The following GRIN3A variants were observed in gnomAD, a reference collection of about 807,000 sequenced individuals.
The protein encoded by GRIN3A is glutamate receptor ionotropic, NMDA 3A.
Under a neutral mutation model 92.4 loss-of-function variants are expected in GRIN3A, and 47 were observed. The ratio of observed to expected loss-of-function variants is 0.51; its 90% CI spans 0.40 to 0.65. The LOEUF (loss-of-function observed/expected upper bound fraction) is 0.65. Ranked by LOEUF, GRIN3A falls within the 30% of genes least tolerant of loss-of-function variation. The pLI, the probability that GRIN3A is intolerant of heterozygous loss-of-function variation, is 0.00. For missense variants in GRIN3A, 1,324 were observed against 1,393.1 expected, an observed-to-expected ratio of 0.95 and a Z score of 0.79; for synonymous variants, 527 against 540.6, an observed-to-expected ratio of 0.97 and a Z score of 0.35.
At chr9:101,687,506 T>A (rs748294177) in intron 1 of GRIN3A, among the ~76,000 whole-genome samples, 2 of 152,218 alleles carry the variant, frequency 1.3e-5, no homozygotes, top group Non-Finnish European at 2.9e-5. Flanking sequence ...TACTGCCATA[T>A]AGGCAGTCTC....
intron 8 of GRIN3A, among the ~76,000 whole-genome samples, chr9:101,575,451 A>G (rs527484784): frequency 6.6e-6 from 1 of 152,296 alleles, no homozygotes; most frequent in South Asian, 2.1e-4. Flanking sequence ...AGGAAAGGGA[A>G]AACAGGGGTG....
chr9:101,727,659 G>T (rs921266503), intron 1 of GRIN3A, among the ~76,000 whole-genome samples: 5 of 151,896 alleles, frequency 3.3e-5, no homozygotes, highest in African/African-American at 1.2e-4. Flanking sequence ...CAGTACAGCA[G>T]AAGTTGATGA....
At position 101,671,009 on chromosome 9, in the gene GRIN3A, A is replaced by C; in HGVS notation, c.1403T>G (p.Leu468Arg). ...TGGCTTTCCCATGGGGTCATGTTGAAGATTCCAGATGAAAAAGTTGTTTTC... is the reference window on the plus strand; with the variant it reads ...TGGCTTTCCCATGGGGTCATGTTGACGATTCCAGATGAAAAAGTTGTTTTC... The part of the protein sequence containing the change: ...SSENNFFIWN[L>R]QHDPMGKPMW... The change falls in exon 3 of 9, where the codon CTT (leucine) becomes CGT (arginine). Residue 468 changes from leucine to arginine, a missense_variant. Leu to Arg is a moderately radical substitution (Grantham distance 102, BLOSUM62 -2). Coordinates refer to ENST00000361820, the MANE Select transcript of GRIN3A (RefSeq NM_133445.3). 6.2e-7 allele frequency: 1 copy of C among 1,613,984 alleles called. No individual in the cohort carries two copies.
At chr9:101,663,284 G>A (rs1248361524) in intron 3 of GRIN3A, among the ~76,000 whole-genome samples, 1 of 151,678 alleles carries the variant, frequency 6.6e-6, no homozygotes, top group African/African-American at 2.4e-5. Flanking sequence ...CAGTAATTTA[G>A]CATGGCTTAA....
rs530367764 is a variant in GRIN3A, at chr9:101,717,666, T to C, written c.699+19615A>G. 7.9e-5 allele frequency among the ~76,000 whole-genome samples: 12 copies of C among 152,306 alleles called. No homozygotes were observed. The South Asian group carries it at 2.5e-3, about 32-fold the overall frequency. On this transcript the variant is annotated intron_variant, in intron 1 of 8. Transcript: ENST00000361820. Reference sequence around the variant, plus strand: ...CTCACTGATGATTATTTCCAGTAAATTTACTTTTCATCAACTTTGACTTTC... The same window carrying C: ...CTCACTGATGATTATTTCCAGTAAACTTACTTTTCATCAACTTTGACTTTC...
intron 6 of GRIN3A, among the ~76,000 whole-genome samples, chr9:101,608,119 C>T (rs1828310510): frequency 6.6e-6 from 1 of 152,188 alleles, no homozygotes; most frequent in Non-Finnish European, 1.5e-5. Flanking sequence ...ATACACCATA[C>T]AGCCGACCAC....
At chr9:101,674,643 C>A (rs112021175) in intron 2 of GRIN3A, among the ~76,000 whole-genome samples, 1 of 151,946 alleles carries the variant, frequency 6.6e-6, no homozygotes, top group African/African-American at 2.4e-5. Flanking sequence ...AAAAAAGTAA[C>A]CTTAAGTTCC....
chr9:101,684,229 CG>C (rs1415944238), intron 2 of GRIN3A, among the ~76,000 whole-genome samples: 3 of 151,096 alleles, frequency 2.0e-5, no homozygotes, highest in African/African-American at 4.9e-5. Flanking sequence ...CAGCCTCCCA[CG>C]TAGCTGGGAC....
At chr9:101,697,750 A>G (rs1829701759) in intron 1 of GRIN3A, among the ~76,000 whole-genome samples, 1 of 152,204 alleles carries the variant, frequency 6.6e-6, no homozygotes. Context: ...AAACTCTTGT[A>G]CAGTTTATAG....
intron 6 of GRIN3A, chr9:101,593,015 C>T (rs1376322478): frequency 6.6e-6 from 1 of 152,286 alleles, no homozygotes; most frequent in East Asian, 1.9e-4. Flanking sequence ...CCTAGCCCTG[C>T]TCTTCTGAGG....
chr9:101,613,344 A>G lies in GRIN3A; in HGVS notation c.2766+32T>C, dbSNP rs1253396039. On this transcript the variant is annotated intron_variant, in intron 6 of 8. Coordinates refer to ENST00000361820, the MANE Select transcript of GRIN3A (RefSeq NM_133445.3). ...ATGTTCTCTGAGGTACAGCTATACA[A>G]CGTGTCACCATTTTCAACAGTCTTT... 1.9e-6 allele frequency: 3 copies of G among 1,612,596 alleles called. No homozygotes were observed. The East Asian group carries it at 6.7e-5, about 36-fold the overall frequency.
chr9:101,656,071 T>A (rs1829085466), intron 3 of GRIN3A, among the ~76,000 whole-genome samples: 1 of 151,932 alleles, frequency 6.6e-6, no homozygotes, highest in Non-Finnish European at 1.5e-5. Context: ...AGAAATGGGT[T>A]AATAATGGTT....
intron 6 of GRIN3A, among the ~76,000 whole-genome samples, chr9:101,597,616 A>T (rs1412551353): frequency 6.6e-6 from 1 of 151,690 alleles, no homozygotes; most frequent in East Asian, 1.9e-4. Context: ...TCTCACTTGC[A>T]GACACTCTTG....
At chr9:101,691,711 A>C (rs1373232842) in intron 1 of GRIN3A, among the ~76,000 whole-genome samples, 1 of 152,160 alleles carries the variant, frequency 6.6e-6, no homozygotes, top group Non-Finnish European at 1.5e-5. Flanking sequence ...CAGGTTCTAC[A>C]GTGTCCTTAA....
chr9:101,598,364 G>A (rs1021998799), intron 6 of GRIN3A, among the ~76,000 whole-genome samples: 1 of 152,038 alleles, frequency 6.6e-6, no homozygotes, highest in African/African-American at 2.4e-5. Context: ...AAGATATGGA[G>A]GCTAAAATAT....
At chr9:101,669,969 G>C (rs1457847497) in intron 3 of GRIN3A, 91 bp downstream of exon 3, 3 of 993,794 alleles carry the variant, frequency 3.0e-6, no homozygotes, top group East Asian at 4.9e-5. Flanking sequence ...TCCTGTGTTA[G>C]ATGGAAGAAC....
intron 3 of GRIN3A, among the ~76,000 whole-genome samples, chr9:101,652,174 G>C (rs898398235): frequency 3.3e-5 from 5 of 152,008 alleles, no homozygotes; most frequent in Non-Finnish European, 7.4e-5. Flanking sequence ...GGAGACTGAG[G>C]TTCAGAGTAT....
chr9:101,726,265 G>A (rs886293278), intron 1 of GRIN3A, among the ~76,000 whole-genome samples: 3 of 152,210 alleles, frequency 2.0e-5, no homozygotes, highest in Admixed American at 6.5e-5. Context: ...GTCATATAGA[G>A]TCAGGCTAAG....
At chr9:101,612,070 G>A (rs1304572434) in intron 6 of GRIN3A, among the ~76,000 whole-genome samples, 1 of 152,182 alleles carries the variant, frequency 6.6e-6, no homozygotes, top group African/African-American at 2.4e-5. Flanking sequence ...CATTAACATG[G>A]GAGGCCACTG....
Sources: allele counts gnomAD v4.1 joint callset (sites outside exome capture counted in the v4.1 genomes callset), GRCh38; gene constraint gnomAD v4.1.1; transcripts MANE v1.5; gene names NCBI Gene and HGNC (gene_info 2026-07-23, HGNC 2026-07-21).